The following LPP variants were observed in gnomAD, a reference collection of about 807,000 sequenced individuals.
The protein encoded by LPP is lipoma-preferred partner.
A neutral mutation model predicts 60.4 loss-of-function variants in LPP; 38 were observed. The observed-to-expected ratio is 0.63, with a 90% CI of 0.49 to 0.83. LPP has a LOEUF of 0.83. LPP is among the 40% of genes least tolerant of loss of function. LPP has a pLI of 0.00. For missense variants in LPP, 902 were observed against 783.6 expected, an observed-to-expected ratio of 1.15 and a Z score of -1.80; for synonymous variants, 328 against 290.8, an observed-to-expected ratio of 1.13 and a Z score of -1.30.
intron 2 of LPP, among the ~76,000 whole-genome samples, chr3:188,317,820 C>A (rs1755548244): frequency 6.6e-6 from 1 of 151,796 alleles, no homozygotes; most frequent in Non-Finnish European, 1.5e-5. Context: ...GGGGATGGTG[C>A]ACAGGGAGAA....
At chr3:188,800,452 A>C (rs549213064) in intron 9 of LPP, among the ~76,000 whole-genome samples, 1 of 151,744 alleles carries the variant, frequency 6.6e-6, no homozygotes, top group Non-Finnish European at 1.5e-5. Context: ...TCATCGTGTT[A>C]GCCAGGATGG....
chr3:188,338,533 A>G (rs1375054790), intron 2 of LPP, among the ~76,000 whole-genome samples: 6 of 152,238 alleles, frequency 3.9e-5, no homozygotes, highest in Non-Finnish European at 7.3e-5. Flanking sequence ...AACTGTGAAA[A>G]GAGAAACACA....
At chr3:188,502,111 T>C (rs1308739012) in intron 5 of LPP, among the ~76,000 whole-genome samples, 2 of 152,206 alleles carry the variant, frequency 1.3e-5, no homozygotes, top group African/African-American at 2.4e-5. Context: ...ACATGTCCCA[T>C]GTGCACATGA....
At chr3:188,697,172 G>A (rs963018823) in intron 7 of LPP, among the ~76,000 whole-genome samples, 3 of 152,174 alleles carry the variant, frequency 2.0e-5, no homozygotes, top group Non-Finnish European at 2.9e-5. Flanking sequence ...TGCTTGCCTA[G>A]GGTGGCATTG....
chr3:188,409,090 A>G (rs2148901123), intron 4 of LPP, among the ~76,000 whole-genome samples: 1 of 152,290 alleles, frequency 6.6e-6, no homozygotes, highest in Non-Finnish European at 1.5e-5. Flanking sequence ...GTTCTTATGT[A>G]TGCATATATA....
At chr3:188,866,093 G>T in intron 9 of LPP, 107 bp from the exon 10 acceptor site, 1 of 807,592 alleles carries the variant, frequency 1.2e-6, no homozygotes, top group Non-Finnish European at 1.8e-6. Flanking sequence ...GCCTTCCTTA[G>T]AGTGGTGTGA....
chr3:188,854,746 G>A (rs1274933963), intron 9 of LPP, among the ~76,000 whole-genome samples: 3 of 152,218 alleles, frequency 2.0e-5, no homozygotes, highest in African/African-American at 7.2e-5. Flanking sequence ...AGTACAAAGA[G>A]AGCCCTTCCA....
At chr3:188,655,666 A>G (rs1198141289) in intron 7 of LPP, among the ~76,000 whole-genome samples, 1 of 152,202 alleles carries the variant, frequency 6.6e-6, no homozygotes, top group African/African-American at 2.4e-5. Flanking sequence ...TCCAACCTTA[A>G]GTTTTCTTAA....
At chr3:188,635,569 G>A (rs1203643087) in intron 7 of LPP, among the ~76,000 whole-genome samples, 1 of 152,162 alleles carries the variant, frequency 6.6e-6, no homozygotes, top group Non-Finnish European at 1.5e-5. Context: ...CCTCTAAGAG[G>A]CTCCATTTCT....
intron 6 of LPP, among the ~76,000 whole-genome samples, chr3:188,534,055 G>A (rs1822913414): frequency 6.6e-6 from 1 of 152,170 alleles, no homozygotes; most frequent in African/African-American, 2.4e-5. Flanking sequence ...CCTCTACAAA[G>A]CTTTTGCCCA....
At chr3:188,656,016 C>G (rs1580731776) in intron 7 of LPP, among the ~76,000 whole-genome samples, 1 of 151,890 alleles carries the variant, frequency 6.6e-6, no homozygotes, top group East Asian at 1.9e-4. Flanking sequence ...ACGGTGAAAC[C>G]CCGTCTCTAC....
At chr3:188,160,196 C>T (rs898827139) in intron 1 of LPP, among the ~76,000 whole-genome samples, 1 of 151,538 alleles carries the variant, frequency 6.6e-6, no homozygotes, top group African/African-American at 2.4e-5. Context: ...AGGCGTGAGC[C>T]ACCACGCTCA....
intron 7 of LPP, among the ~76,000 whole-genome samples, chr3:188,646,245 C>G (rs983726590): frequency 6.6e-6 from 1 of 152,026 alleles, no homozygotes; most frequent in Non-Finnish European, 1.5e-5. Context: ...GGATTTATTC[C>G]TTAGTCAGGG....
intron 3 of LPP, among the ~76,000 whole-genome samples, chr3:188,392,541 T>C (rs1403480256): frequency 6.6e-6 from 1 of 152,178 alleles, no homozygotes; most frequent in East Asian, 1.9e-4. Context: ...ATAGGCTTAT[T>C]CTTAAAAGGA....
At chr3:188,551,166 A>G (rs578027062) in intron 6 of LPP, among the ~76,000 whole-genome samples, 5 of 152,310 alleles carry the variant, frequency 3.3e-5, no homozygotes, top group African/African-American at 7.2e-5. Flanking sequence ...ACAGTTCCAC[A>G]TGGCTGGGGA....
intron 7 of LPP, among the ~76,000 whole-genome samples, chr3:188,625,920 G>A (rs1025794388): frequency 1.3e-5 from 2 of 152,132 alleles, no homozygotes; most frequent in Non-Finnish European, 2.9e-5. Context: ...GAAAGCATTT[G>A]TAAAAATGTA....
chr3:188,641,671 C>T (rs1850159130), intron 7 of LPP, among the ~76,000 whole-genome samples: 1 of 152,190 alleles, frequency 6.6e-6, no homozygotes, highest in Admixed American at 6.5e-5. Context: ...TAATTTTGTG[C>T]AGCAGCACTG....
chr3:188,240,656 C>G (rs560340694), intron 2 of LPP, among the ~76,000 whole-genome samples: 1 of 152,092 alleles, frequency 6.6e-6, no homozygotes. Context: ...GTAATCATAA[C>G]TATCCAATCA....
chr3:188,513,410 A>G (rs959969118), intron 5 of LPP, among the ~76,000 whole-genome samples: 5 of 152,190 alleles, frequency 3.3e-5, no homozygotes, highest in South Asian at 2.1e-4. Flanking sequence ...TATGTTTCAT[A>G]CAATGGGTTT....
Sources: gnomAD v4.1 joint callset for allele counts (sites outside exome capture counted in the v4.1 genomes callset) on GRCh38, gnomAD v4.1.1 for gene constraint, MANE v1.5 for transcripts, NCBI Gene and HGNC (gene_info 2026-07-23, HGNC 2026-07-21) for gene names.